PAK5: variants seen among roughly 807,000 people sequenced by gnomAD.
The protein encoded by PAK5 is p21 (RAC1) activated kinase 5, also known as serine/threonine-protein kinase PAK 5.
A neutral mutation model predicts 65.9 loss-of-function variants in PAK5; 16 were observed. The ratio of observed to expected loss-of-function variants is 0.24; its 90% CI spans 0.16 to 0.37. The LOEUF (loss-of-function observed/expected upper bound fraction) is 0.37. PAK5 is among the 10% of genes least tolerant of loss of function. PAK5 has a pLI of 1.00. For synonymous variants in PAK5, 371 were observed against 354.9 expected, an observed-to-expected ratio of 1.05 and a Z score of -0.51; for missense variants, 785 against 903.9, an observed-to-expected ratio of 0.87 and a Z score of 1.69.
chr20:9,815,554 A>T (rs999056961), intron 1 of PAK5, among the ~76,000 whole-genome samples: 4 of 152,050 alleles, frequency 2.6e-5, no homozygotes. Context: ...AATTACTTTC[A>T]CTTGTCAAAC....
rs191648040 is a variant in PAK5 at position 9,542,065 on chromosome 20, A to G, written c.2004+521T>C. Among the ~76,000 whole-genome samples the G allele has an allele frequency of 1.4e-4, 22 of 152,318 alleles. No individual in the cohort carries two copies. In the East Asian group the frequency reaches 4.1e-3, roughly 28 times the overall value. The stretch of plus-strand genomic sequence containing the variant: ...TATAGTAGTGTAAAAACAGACTCAT[A>G]CAACCAGCTTTCAATCCCTTCTCCT... On this transcript the variant is annotated intron_variant, in intron 9 of 9. Transcript: ENST00000353224.
chr20:9,735,184 C>G (rs180909245), intron 1 of PAK5, among the ~76,000 whole-genome samples: 40 of 152,094 alleles, frequency 2.6e-4, no homozygotes, highest in Non-Finnish European at 7.4e-5. Flanking sequence ...AGATCAGTTC[C>G]CTGAGTTTTG....
At chr20:9,658,410 G>A (rs1450051572) in intron 2 of PAK5, among the ~76,000 whole-genome samples, 1 of 152,120 alleles carries the variant, frequency 6.6e-6, no homozygotes, top group Admixed American at 6.5e-5. Flanking sequence ...TTCTTGTGGT[G>A]GTATCAGGGT....
intron 3 of PAK5, among the ~76,000 whole-genome samples, chr20:9,622,780 G>A (rs922727550): frequency 6.6e-6 from 1 of 152,172 alleles, no homozygotes; most frequent in African/African-American, 2.4e-5. Flanking sequence ...CTTCCATCCT[G>A]AAACCATCCG....
intron 3 of PAK5, among the ~76,000 whole-genome samples, chr20:9,601,459 C>G (rs1332487246): frequency 6.6e-6 from 1 of 152,218 alleles, no homozygotes; most frequent in African/African-American, 2.4e-5. Flanking sequence ...CCCAATAGCC[C>G]TAGGAGACTT....
rs79262236 is a variant in PAK5 at position 9,795,323 on chromosome 20, A to G, written c.-162+43439T>C. ...TTATTTTTCCATTAAATTGAAAAGTATTCACCTGTCCAAGTAAATTGTTCT... is the reference window on the plus strand; with the variant it reads ...TTATTTTTCCATTAAATTGAAAAGTGTTCACCTGTCCAAGTAAATTGTTCT... On this transcript the variant is annotated intron_variant, in intron 1 of 9. Transcript: ENST00000353224. Among the ~76,000 whole-genome samples the G allele has an allele frequency of 7.6e-3, 1,150 of 152,282 alleles. 14 individuals carry two copies. Among genetic ancestry groups the G allele is most frequent in the African/African-American group, 0.026 (1,075 of 41,580 alleles).
chr20:9,550,625 A>C (rs2045412031), intron 7 of PAK5, among the ~76,000 whole-genome samples: 1 of 152,190 alleles, frequency 6.6e-6, no homozygotes, highest in Non-Finnish European at 1.5e-5. Flanking sequence ...AAGCCAACTA[A>C]ATTTAATGCA....
At chr20:9,553,082 T>C (rs529499194) in intron 7 of PAK5, among the ~76,000 whole-genome samples, 3 of 152,240 alleles carry the variant, frequency 2.0e-5, no homozygotes, top group Admixed American at 1.3e-4. Flanking sequence ...CGTGCACCCG[T>C]CTCTCCCTAG....
At chr20:9,751,483 A>G (rs1271980221) in intron 1 of PAK5, among the ~76,000 whole-genome samples, 1 of 152,134 alleles carries the variant, frequency 6.6e-6, no homozygotes, top group African/African-American at 2.4e-5. Flanking sequence ...ATTTTTCATG[A>G]TGGAGAGATT....
chr20:9,817,390 G>A (rs1256546488), intron 1 of PAK5, among the ~76,000 whole-genome samples: 1 of 152,070 alleles, frequency 6.6e-6, no homozygotes, highest in Non-Finnish European at 1.5e-5. Flanking sequence ...TGCTAAGCCC[G>A]ATTTATTCAT....
In PAK5 at chr20:9,566,233, G is replaced by T; in HGVS notation, c.1142C>A (p.Thr381Asn). 6.2e-7 allele frequency: 1 copy of T among 1,613,860 alleles called. No individual in the cohort carries two copies. Among genetic ancestry groups the T allele is most frequent in the Non-Finnish European group, 8.5e-7 (1 of 1,179,976 alleles). Residue 381 changes from threonine to asparagine, a missense_variant, in exon 5 of 10, where the codon ACC becomes AAC. Physicochemically the swap from Thr to Asn is moderately conservative, Grantham distance 65 (BLOSUM62 0). Coordinates refer to ENST00000353224, the MANE Select transcript of PAK5 (RefSeq NM_177990.4). ...CTGCAGGGAGGGGTGATGGTACAAG[G>T]TGGCTTTGTGGTACCCAGACGGGTA... ...HQYPSGYHKA[T>N]LYHHPSLQSS...
chr20:9,766,677 T>G (rs2048772380), intron 1 of PAK5, among the ~76,000 whole-genome samples: 1 of 151,392 alleles, frequency 6.6e-6, no homozygotes. Context: ...AGTGTGAAGT[T>G]CCATTTAAAG....
At chr20:9,552,614 T>A (rs185085536) in intron 7 of PAK5, among the ~76,000 whole-genome samples, 1 of 152,330 alleles carries the variant, frequency 6.6e-6, no homozygotes, top group East Asian at 1.9e-4. Flanking sequence ...TTTTAGTTGA[T>A]AAAAGATAAT....
intron 1 of PAK5, among the ~76,000 whole-genome samples, chr20:9,729,381 A>C (rs543652001): frequency 1.0e-3 from 158 of 152,328 alleles, no homozygotes; most frequent in African/African-American, 3.5e-3. Context: ...CAATCAGAGC[A>C]AACTGAAAGT....
intron 1 of PAK5, among the ~76,000 whole-genome samples, chr20:9,736,438 A>G (rs1022901171): frequency 2.6e-5 from 4 of 152,222 alleles, no homozygotes; most frequent in Non-Finnish European, 5.9e-5. Flanking sequence ...AATCCTGTCA[A>G]AAATAAAATC....
intron 1 of PAK5, among the ~76,000 whole-genome samples, chr20:9,833,749 T>C (rs1226141809): frequency 6.6e-6 from 1 of 152,236 alleles, no homozygotes; most frequent in Non-Finnish European, 1.5e-5. Context: ...AAATAACCGT[T>C]TCATAATATT....
chr20:9,538,444 C>T lies in PAK5; in HGVS notation c.*1018G>A, dbSNP rs2045204733. ...GTGACAAATGAAACCAAACGTCTTG[C>T]CCTGTTCTCTCCTCTCCCTTTGTGA... is the stretch of plus-strand genomic sequence containing the variant. On this transcript the variant is annotated 3_prime_UTR_variant, in exon 10 of 10. Coordinates refer to ENST00000353224, the MANE Select transcript of PAK5 (RefSeq NM_177990.4). The T allele has an allele frequency of 4.3e-6, 1 of 233,570 alleles. No individual in the cohort carries two copies. The highest frequency in any genetic ancestry group is 8.5e-6 in the Non-Finnish European group (1 of 117,954). The allele number at this position is 233,570 out of a possible 1,614,324, so 14.5% of individuals were successfully genotyped here. A position where few individuals can be genotyped will look rare whatever the true frequency, so the allele number is the denominator to read the frequency against.
chr20:9,653,763 G>A (rs1055979935), intron 2 of PAK5, among the ~76,000 whole-genome samples: 8 of 152,082 alleles, frequency 5.3e-5, no homozygotes, highest in South Asian at 2.1e-4. Flanking sequence ...TCTGGAGGTT[G>A]GAAGTATAAC....
intron 3 of PAK5, among the ~76,000 whole-genome samples, chr20:9,641,589 A>G (rs199652631): frequency 1.5e-4 from 23 of 151,996 alleles, no homozygotes; most frequent in South Asian, 1.0e-3. Flanking sequence ...CGGTGCGCTC[A>G]CATTCCTCAG....
Sources: gnomAD v4.1 joint callset for allele counts (sites outside exome capture counted in the v4.1 genomes callset) on GRCh38, gnomAD v4.1.1 for gene constraint, MANE v1.5 for transcripts, NCBI Gene and HGNC (gene_info 2026-07-23, HGNC 2026-07-21) for gene names.